LRRC49: variants seen among roughly 807,000 people sequenced by gnomAD.
LRRC49 encodes the protein leucine rich repeat containing 49.
LRRC49 carries 50 observed loss-of-function variants against 83.3 expected under a neutral mutation model. That is an observed-to-expected ratio of 0.60 (90% CI 0.48 to 0.76). The LOEUF (loss-of-function observed/expected upper bound fraction) is 0.76, where lower values mean the gene tolerates loss of function less well. Among genes scored for constraint, LRRC49 ranks in the 30% least tolerant of loss-of-function variants. LRRC49 has a pLI of 0.00. For synonymous variants in LRRC49, 286 were observed against 283.3 expected, an observed-to-expected ratio of 1.01 and a Z score of -0.10; for missense variants, 704 against 809.1, an observed-to-expected ratio of 0.87 and a Z score of 1.58.
chr15:70,902,922 CAG>C (rs975603187), intron 4 of LRRC49, among the ~76,000 whole-genome samples: 1 of 152,254 alleles, frequency 6.6e-6, no homozygotes, highest in African/African-American at 2.4e-5. Context: ...GTTGGAGTGA[CAG>C]GGGTTTGTGG....
rs1596024291 is a variant in LRRC49, at chr15:70,923,063, T to A, written c.711+3870T>A. Among the ~76,000 whole-genome samples the A allele has an allele frequency of 3.3e-5, 5 of 152,042 alleles. No individual in the cohort carries two copies. In the South Asian group the frequency reaches 1.0e-3, roughly 31 times the overall value. On this transcript the variant is annotated intron_variant, in intron 7 of 15. Transcript: ENST00000260382. ...TAAAAATCACTTCAGCTTCTTCCCA[T>A]AAGTCTTGAAATTTAGTATTTTTCT...
chr15:70,966,973 C>T (rs937448613), intron 9 of LRRC49, among the ~76,000 whole-genome samples: 4 of 152,076 alleles, frequency 2.6e-5, no homozygotes, highest in Non-Finnish European at 4.4e-5. Context: ...AACACACTTA[C>T]ACCCAGGGCA....
chr15:70,864,064 G>C (rs1258165429), intron 1 of LRRC49, among the ~76,000 whole-genome samples: 3 of 152,180 alleles, frequency 2.0e-5, no homozygotes. Context: ...GGCTGGGGCA[G>C]TAAAGGAGGG....
intron 4 of LRRC49, 57 bp downstream of exon 4, chr15:70,901,081 A>G (rs1382497642): frequency 1.0e-6 from 1 of 989,336 alleles, no homozygotes; most frequent in Non-Finnish European, 1.5e-6. Context: ...TAGACGTGGT[A>G]CAAGACTTGA....
chr15:70,906,358 G>T (rs560964375), intron 5 of LRRC49, among the ~76,000 whole-genome samples: 1 of 152,262 alleles, frequency 6.6e-6, no homozygotes, highest in South Asian at 2.1e-4. Context: ...GCCTCCCAAA[G>T]TGCTGGGATT....
At chr15:70,867,983 TG>T (rs1340256725) in intron 1 of LRRC49, among the ~76,000 whole-genome samples, 2 of 152,164 alleles carry the variant, frequency 1.3e-5, no homozygotes, top group African/African-American at 2.4e-5. Flanking sequence ...GCTCCGTTTC[TG>T]GGTATTAGCT....
intron 9 of LRRC49, 76 bp from the exon 10 acceptor site, chr15:70,980,025 C>A: frequency 1.1e-6 from 1 of 874,516 alleles, no homozygotes; most frequent in Non-Finnish European, 1.8e-6. Context: ...GAAAACTGTG[C>A]TTAATAGGAC....
At chr15:70,888,448 T>C (rs1261794522), upstream of LRRC49, among the ~76,000 whole-genome samples, 1 of 152,112 alleles carries the variant, frequency 6.6e-6, no homozygotes, top group Non-Finnish European at 1.5e-5. Context: ...AGATGCTGAG[T>C]CAAATGGGTA....
At chr15:70,870,664 A>AT (rs2033007735) in intron 1 of LRRC49, among the ~76,000 whole-genome samples, 1 of 152,020 alleles carries the variant, frequency 6.6e-6, no homozygotes. Context: ...CTAATTTTGT[A>AT]TTTTTAGTAG....
intron 14 of LRRC49, among the ~76,000 whole-genome samples, chr15:71,031,838 C>T (rs896769318): frequency 2.0e-5 from 3 of 152,110 alleles, no homozygotes; most frequent in Non-Finnish European, 4.4e-5. Context: ...GTGGACACCC[C>T]TCCCCCCACC....
At chr15:70,950,524 C>T (rs181250431) in intron 8 of LRRC49, among the ~76,000 whole-genome samples, 4 of 152,236 alleles carry the variant, frequency 2.6e-5, no homozygotes, top group Non-Finnish European at 5.9e-5. Flanking sequence ...ATGATATGAG[C>T]ATTTTTTCAT....
intron 8 of LRRC49, among the ~76,000 whole-genome samples, chr15:70,954,640 CTG>C (rs2036333711): frequency 6.6e-6 from 1 of 152,012 alleles, no homozygotes; most frequent in Non-Finnish European, 1.5e-5. Flanking sequence ...GGTTTTTTGA[CTG>C]TGGTGTAAGC....
intron 11 of LRRC49, among the ~76,000 whole-genome samples, chr15:71,004,647 T>TA (rs35055682): frequency 0.023 from 2,771 of 121,834 alleles, 37 homozygotes; most frequent in African/African-American, 0.03. Flanking sequence ...GAAACTGTGT[T>TA]AAAAAAAAAA....
chr15:70,868,323 C>G (rs2032955647), intron 1 of LRRC49, among the ~76,000 whole-genome samples: 1 of 152,182 alleles, frequency 6.6e-6, no homozygotes, highest in Non-Finnish European at 1.5e-5. Context: ...ATGACATGCG[C>G]TTGGATACGT....
intron 5 of LRRC49, among the ~76,000 whole-genome samples, chr15:70,909,819 CAG>C (rs934793326): frequency 1.5e-4 from 21 of 144,014 alleles, no homozygotes; most frequent in African/African-American, 5.5e-4. Flanking sequence ...AGCCTGGTGA[CAG>C]GGCGAGACTC....
At chr15:71,022,371 T>G (rs1388297403) in intron 14 of LRRC49, among the ~76,000 whole-genome samples, 1 of 151,628 alleles carries the variant, frequency 6.6e-6, no homozygotes, top group African/African-American at 2.4e-5. Flanking sequence ...AGACCCTGTC[T>G]CCAAAAAAAA....
chr15:70,858,802 T>C, intron 1 of LRRC49: 2 of 823,924 alleles, frequency 2.4e-6, no homozygotes, highest in Non-Finnish European at 2.1e-6. Flanking sequence ...GTGGGCCCAG[T>C]GCCCGCATCA....
chr15:70,939,852 T>G (rs1002471225), intron 8 of LRRC49, among the ~76,000 whole-genome samples: 8 of 150,968 alleles, frequency 5.3e-5, no homozygotes, highest in Non-Finnish European at 8.9e-5. Context: ...ACTAGGTTTT[T>G]TTTTTTTTTT....
In LRRC49 at chr15:70,895,985, T is replaced by TA. The variant is rs529320875; in HGVS notation, c.193+50dup. ...GATGTGGTTCATCATCTTTGAATAA[T>TA]ATTAAGTGTTTAATAATGTTGAATT... On this transcript the variant is annotated intron_variant, in intron 3 of 15. Transcript: ENST00000260382. 9.2e-6 allele frequency: 10 copies of TA among 1,086,492 alleles called. No homozygotes were observed. The South Asian group carries it at 1.3e-4, about 14-fold the overall frequency. 67.3% of individuals were successfully genotyped at this position (1,086,492 alleles called of 1,614,324 possible). A position where few individuals can be genotyped will look rare whatever the true frequency, so the allele number is the denominator to read the frequency against.
Sources: gnomAD v4.1 joint callset for allele counts (sites outside exome capture counted in the v4.1 genomes callset) on GRCh38, gnomAD v4.1.1 for gene constraint, MANE v1.5 for transcripts, NCBI Gene and HGNC (gene_info 2026-07-23, HGNC 2026-07-21) for gene names.